CCDC136: variants seen among roughly 807,000 people sequenced by gnomAD.
CCDC136 encodes coiled-coil domain containing 136, also known as coiled-coil domain-containing protein 136.
A neutral mutation model predicts 141.2 loss-of-function variants in CCDC136; 100 were observed. The observed-to-expected ratio is 0.71, with a 90% CI of 0.60 to 0.84. The LOEUF (loss-of-function observed/expected upper bound fraction) is 0.84. CCDC136 is among the 40% of genes least tolerant of loss of function. CCDC136 has a pLI of 0.00. For synonymous variants in CCDC136, 474 were observed against 531.9 expected, an observed-to-expected ratio of 0.89 and a Z score of 1.50; for missense variants, 1,206 against 1,379.4, an observed-to-expected ratio of 0.87 and a Z score of 1.99.
chr7:128,809,283 C>T (rs866793640), intron 10 of CCDC136, 167 bp from the exon 11 acceptor site: 4 of 575,980 alleles, frequency 6.9e-6, no homozygotes, highest in African/African-American at 3.9e-5. Context: ...GATCCCCAAT[C>T]GGTATCTAAA....
intron 3 of CCDC136, among the ~76,000 whole-genome samples, chr7:128,796,222 G>C (rs1276770420): frequency 6.6e-6 from 1 of 152,140 alleles, no homozygotes; most frequent in Non-Finnish European, 1.5e-5. Flanking sequence ...AGATATGGCA[G>C]TTAGGAAAGT....
At chr7:128,819,265 C>T (rs1437320988) in intron 17 of CCDC136, among the ~76,000 whole-genome samples, 1 of 152,190 alleles carries the variant, frequency 6.6e-6, no homozygotes, top group Non-Finnish European at 1.5e-5. Context: ...CTGTTATCCC[C>T]AGAGCTCCAG....
intron 15 of CCDC136, 75 bp from the exon 16 acceptor site, chr7:128,815,539 T>C: frequency 7.0e-7 from 1 of 1,438,334 alleles, no homozygotes; most frequent in Non-Finnish European, 9.3e-7. Flanking sequence ...TTCCTGGAGC[T>C]AGTACAGCAT....
chr7:128,817,032 T>C lies in CCDC136; in HGVS notation c.3364-726T>C, dbSNP rs1806742298. Among the ~76,000 whole-genome samples the C allele has an allele frequency of 6.6e-6, 1 of 152,216 alleles. No homozygotes were observed. The highest frequency in any genetic ancestry group is 1.9e-4 in the East Asian group (1 of 5,200). On this transcript the variant is annotated intron_variant, in intron 16 of 17. Transcript: ENST00000297788. This position sits in a 1 kb window ranked among gnomAD's most constrained non-coding sequence, Gnocchi z 4.6. ...CTCATCATATTCCACCACGTGCTGG[T>C]TCAGAGCCTCACAGATGTCTTTACC...
intron 14 of CCDC136, among the ~76,000 whole-genome samples, chr7:128,813,263 G>A (rs921790176): frequency 6.6e-5 from 10 of 151,978 alleles, no homozygotes; most frequent in Non-Finnish European, 1.3e-4. Flanking sequence ...CTTGTCTCCC[G>A]GTGCACCAAC....
At chr7:128,793,391 G>A (rs1245095030) in intron 1 of CCDC136, among the ~76,000 whole-genome samples, 1 of 152,176 alleles carries the variant, frequency 6.6e-6, no homozygotes. Flanking sequence ...TAGGGGAGAG[G>A]AGACCTTGTG....
At chr7:128,816,131 C>T (rs1806593656) in intron 16 of CCDC136, among the ~76,000 whole-genome samples, 200 bp downstream of exon 16, 1 of 152,210 alleles carries the variant, frequency 6.6e-6, no homozygotes, top group South Asian at 2.1e-4. Context: ...GGGCTCAGCC[C>T]CGTTTGCTGT....
chr7:128,812,979 T>G, intron 14 of CCDC136, 50 bp downstream of exon 14: 1 of 1,327,070 alleles, frequency 7.5e-7, no homozygotes, highest in Middle Eastern at 1.8e-4. Context: ...CCTGGAGCCA[T>G]AGAGGTCATG....
chr7:128,802,314 A>G (rs566229869), intron 4 of CCDC136, among the ~76,000 whole-genome samples: 1 of 152,222 alleles, frequency 6.6e-6, no homozygotes, highest in East Asian at 1.9e-4. Flanking sequence ...TGGAGGTCCT[A>G]TATTTGGCCA....
chr7:128,816,730 G>T (rs1241954526), intron 16 of CCDC136, among the ~76,000 whole-genome samples: 1 of 152,208 alleles, frequency 6.6e-6, no homozygotes, highest in African/African-American at 2.4e-5. Flanking sequence ...TTAACTCAGG[G>T]CTCAGAGTCC....
chr7:128,794,283 G>A lies in CCDC136; in HGVS notation c.17-65G>A. 1 of 1,550,382 alleles carries A rather than the reference G, an allele frequency of 6.5e-7. No individual in the cohort carries two copies. Among genetic ancestry groups the A allele is most frequent in the East Asian group, 2.4e-5 (1 of 40,926 alleles). On this transcript the variant is annotated intron_variant, in intron 1 of 17. Transcript: ENST00000297788. The surrounding 1 kb of genome is among the most constrained non-coding windows in gnomAD (Gnocchi z 4.3). ...CTGCCCTGGCATAGTGAGTTTGAGG[G>A]CCCTGGAAGGACGGCAGAAAGGAAG... is the stretch of plus-strand genomic sequence containing the variant.
Position 128,792,371 on chromosome 7 carries a change from GGAA to G in CCDC136, c.-36_-34del. ...TATGAGGCTTCCGAGGGCTGTGAGAGGAAGAAGGGCCAACGCTGGGGGTCCCTG... is the reference window on the plus strand; with the variant it reads ...TATGAGGCTTCCGAGGGCTGTGAGAGGAAGGGCCAACGCTGGGGGTCCCTG... On this transcript the variant is annotated 5_prime_UTR_variant, in exon 1 of 18. Coordinates refer to ENST00000297788, the MANE Select transcript of CCDC136 (RefSeq NM_022742.5). The G allele has an allele frequency of 6.2e-7, 1 of 1,609,966 alleles. No individual in the cohort carries two copies. Among genetic ancestry groups the G allele is most frequent in the Non-Finnish European group, 8.5e-7 (1 of 1,177,982 alleles).
Position 128,792,334 on chromosome 7 carries a change from A to C in CCDC136, c.-78A>C. 2 of 1,453,554 alleles carry C rather than the reference A, an allele frequency of 1.4e-6. No homozygotes were observed. The highest frequency in any genetic ancestry group is 1.8e-6 in the Non-Finnish European group (2 of 1,089,470). The allele number at this position is 1,453,554 out of a possible 1,614,324, so 90.0% of individuals were successfully genotyped here. ...CCTGCTCTCAGGACCCACAGTGACC[A>C]CTCTAGGCTCCTATGAGGCTTCCGA... On this transcript the variant is annotated 5_prime_UTR_variant, in exon 1 of 18. Coordinates refer to ENST00000297788, the MANE Select transcript of CCDC136 (RefSeq NM_022742.5).
At chr7:128,806,930 G>T (rs1041196796) in intron 9 of CCDC136, 72 bp downstream of exon 9, 2 of 1,461,026 alleles carry the variant, frequency 1.4e-6, no homozygotes, top group Non-Finnish European at 1.8e-6. Flanking sequence ...CACAGAGGAC[G>T]AGAGGGAATG....
At chr7:128,803,959 C>T (rs1010468594) in intron 4 of CCDC136, among the ~76,000 whole-genome samples, 17 of 152,076 alleles carry the variant, frequency 1.1e-4, no homozygotes, top group East Asian at 3.9e-4. Context: ...GGACTACAGG[C>T]ATGCACCGCC....
chr7:128,801,059 T>A, intron 3 of CCDC136, 127 bp from the exon 4 acceptor site: 1 of 640,480 alleles, frequency 1.6e-6, no homozygotes, highest in Non-Finnish European at 2.7e-6. Context: ...ACTTCTCTGA[T>A]GGGGTAGAGA....
rs1805852336 is a variant in CCDC136 at position 128,812,255 on chromosome 7, G to A, written c.2484G>A (p.Gln828=). The A allele has an allele frequency of 6.2e-7, 1 of 1,613,746 alleles. No individual in the cohort carries two copies. The highest frequency in any genetic ancestry group is 8.5e-7 in the Non-Finnish European group (1 of 1,179,776). ...YGSTSSSDTC[Q]KSFVSSCTDE... ...GCACCAGTAGCTCTGACACCTGCCAGAAGAGTTTTGTCAGCAGCTGCACTG... is the reference window on the plus strand; with the variant it reads ...GCACCAGTAGCTCTGACACCTGCCAAAAGAGTTTTGTCAGCAGCTGCACTG... Residue 828 remains glutamine (Q), a synonymous_variant, in exon 13 of 18, where the codon CAG becomes CAA. Transcript: ENST00000297788.
Position 128,794,213 on chromosome 7 carries a change from C to A in CCDC136, c.17-135C>A. On this transcript the variant is annotated intron_variant, in intron 1 of 17. Coordinates refer to ENST00000297788, the MANE Select transcript of CCDC136 (RefSeq NM_022742.5). This position sits in a 1 kb window ranked among gnomAD's most constrained non-coding sequence, Gnocchi z 4.3. ...GACTCATCTTGAGTACAGGTCTTGC[C>A]CCGGGGCTCCTTGGGGGACACCAGG... 1 of 1,248,298 alleles carries A rather than the reference C, an allele frequency of 8.0e-7. No homozygotes were observed. The highest frequency in any genetic ancestry group is 1.1e-6 in the Non-Finnish European group (1 of 878,232). 77.3% of individuals were successfully genotyped at this position (1,248,298 alleles called of 1,614,324 possible). A position where few individuals can be genotyped will look rare whatever the true frequency, so the allele number is the denominator to read the frequency against.
At chr7:128,796,922 T>C (rs1469493493) in intron 3 of CCDC136, among the ~76,000 whole-genome samples, 2 of 149,910 alleles carry the variant, frequency 1.3e-5, no homozygotes, top group East Asian at 2.0e-4. Context: ...TTTGTATTTT[T>C]AGTAGAGACG....
Sources: allele counts gnomAD v4.1 joint callset (sites outside exome capture counted in the v4.1 genomes callset), GRCh38; gene constraint gnomAD v4.1.1; non-coding constraint Gnocchi (gnomAD v3.1); transcripts MANE v1.5; gene names NCBI Gene and HGNC (gene_info 2026-07-23, HGNC 2026-07-21).